The following ZBBX variants were observed in gnomAD, a reference collection of about 807,000 sequenced individuals.
ZBBX encodes the protein zinc finger B-box domain containing, also known as zinc finger B-box domain-containing protein 1.
Under a neutral mutation model 108.5 loss-of-function variants are expected in ZBBX, and 101 were observed. That is an observed-to-expected ratio of 0.93 (90% CI 0.79 to 1.10). The LOEUF (loss-of-function observed/expected upper bound fraction) is 1.10, where lower values mean the gene tolerates loss of function less well. ZBBX is among the 50% of genes least tolerant of loss of function. The pLI, the probability that ZBBX is intolerant of heterozygous loss-of-function variation, is 0.00. For missense variants in ZBBX, 1,009 were observed against 941.4 expected, an observed-to-expected ratio of 1.07 and a Z score of -0.94; for synonymous variants, 356 against 323.4, an observed-to-expected ratio of 1.10 and a Z score of -1.08.
upstream of ZBBX, among the ~76,000 whole-genome samples, chr3:167,382,596 ACTAAG>A (rs1045064541): frequency 3.3e-5 from 5 of 152,168 alleles, no homozygotes; most frequent in African/African-American, 1.2e-4. Flanking sequence ...GACTCATTTT[ACTAAG>A]CTTGAAATAA....
chr3:167,222,053 G>T, the ZBBX span, among the ~76,000 whole-genome samples: 3 of 151,780 alleles, frequency 2.0e-5, no homozygotes, highest in Non-Finnish European at 4.4e-5. Context: ...CCACTGCTGG[G>T]TATATACCTA....
chr3:167,200,047 C>T, the ZBBX span, among the ~76,000 whole-genome samples: 2 of 152,118 alleles, frequency 1.3e-5, no homozygotes, highest in South Asian at 4.1e-4. Flanking sequence ...TTAATCTCTG[C>T]CTCTGTCTTC....
chr3:167,388,117 T>C (rs1160277423), intron 1 of ZBBX, among the ~76,000 whole-genome samples: 1 of 151,974 alleles, frequency 6.6e-6, no homozygotes, highest in Admixed American at 6.6e-5. Flanking sequence ...TAGGATGAGA[T>C]CCTATTTTAG....
intron 1 of ZBBX, among the ~76,000 whole-genome samples, chr3:167,396,471 C>A (rs1301558967): frequency 6.6e-6 from 1 of 151,976 alleles, no homozygotes; most frequent in Non-Finnish European, 1.5e-5. Flanking sequence ...CAGAAGTCTG[C>A]CGGCATTAGA....
Position 167,305,841 on chromosome 3 carries a change from T to G in ZBBX, c.1527A>C (p.Lys509Asn). Residue 509 changes from lysine (K) to asparagine (N), a missense_variant, in exon 17 of 22, where the codon AAA becomes AAC. By Grantham distance (94) the Lys-to-Asn change is moderately conservative (BLOSUM62 0). Transcript: ENST00000675490. ...STSFERNLKE[K>N]NIGLESNQKS... Reference sequence around the variant, plus strand: ...TTTGATTACTTTCTAAACCTATATTTTTCTCCTTTAAATTTCTTTCAAAGG... The same window carrying G: ...TTTGATTACTTTCTAAACCTATATTGTTCTCCTTTAAATTTCTTTCAAAGG... The G allele has an allele frequency of 6.2e-7, 1 of 1,611,300 alleles. No homozygotes were observed. Among genetic ancestry groups the G allele is most frequent in the Non-Finnish European group, 8.5e-7 (1 of 1,178,750 alleles).
the ZBBX span, among the ~76,000 whole-genome samples, chr3:167,224,907 A>C: frequency 5.3e-5 from 8 of 151,930 alleles, no homozygotes; most frequent in Non-Finnish European, 1.2e-4. Flanking sequence ...TTACCACCAG[A>C]GATAATGATA....
chr3:167,221,264 T>C, the ZBBX span, among the ~76,000 whole-genome samples: 1 of 121,280 alleles, frequency 8.2e-6, no homozygotes, highest in Non-Finnish European at 1.7e-5. Context: ...GATTTCAAGT[T>C]ATACTACAGA....
At chr3:167,352,136 A>G (rs368705853) in intron 8 of ZBBX, among the ~76,000 whole-genome samples, 2 of 152,294 alleles carry the variant, frequency 1.3e-5, no homozygotes, top group East Asian at 3.9e-4. Flanking sequence ...AAGAGAAATA[A>G]CAAAGATCAG....
intron 9 of ZBBX, among the ~76,000 whole-genome samples, chr3:167,348,218 C>G (rs796994571): frequency 0.016 from 326 of 20,996 alleles, 6 homozygotes; most frequent in East Asian, 0.079. Flanking sequence ...AGGAAGGAAG[C>G]AAGGGAGGGA....
chr3:167,267,324 C>A (rs1434524165), intron 20 of ZBBX, among the ~76,000 whole-genome samples: 1 of 152,096 alleles, frequency 6.6e-6, no homozygotes, highest in Non-Finnish European at 1.5e-5. Flanking sequence ...AAAGGATAGG[C>A]AAGAGATTCC....
At chr3:167,200,014 C>T in the ZBBX span, among the ~76,000 whole-genome samples, 1 of 152,018 alleles carries the variant, frequency 6.6e-6, no homozygotes, top group Admixed American at 6.6e-5. Context: ...CCTTTTTGTA[C>T]CTTGGTTTAC....
At chr3:167,298,536 C>T (rs1482883833) in intron 17 of ZBBX, 78 bp from the exon 18 acceptor site, 8 of 1,083,864 alleles carry the variant, frequency 7.4e-6, no homozygotes, top group Non-Finnish European at 1.0e-5. Flanking sequence ...CAGATACCTA[C>T]TTGGTATCTG....
At chr3:167,198,843 A>G in the ZBBX span, among the ~76,000 whole-genome samples, 15 of 152,224 alleles carry the variant, frequency 9.9e-5, no homozygotes, top group Admixed American at 2.6e-4. Context: ...AGGATTCAGA[A>G]GTTTGGGTAG....
the ZBBX span, among the ~76,000 whole-genome samples, chr3:167,200,990 T>A: frequency 6.6e-6 from 1 of 152,148 alleles, no homozygotes; most frequent in South Asian, 2.1e-4. Context: ...ACTTGACCAA[T>A]GATAGGCATC....
intron 9 of ZBBX, among the ~76,000 whole-genome samples, chr3:167,346,622 G>C (rs1216185695): frequency 6.6e-6 from 1 of 151,880 alleles, no homozygotes; most frequent in Non-Finnish European, 1.5e-5. Context: ...ATATTCATCT[G>C]TCGGATGTCT....
intron 18 of ZBBX, among the ~76,000 whole-genome samples, chr3:167,289,980 C>T (rs934420892): frequency 1.3e-5 from 2 of 152,132 alleles, no homozygotes; most frequent in Admixed American, 1.3e-4. Flanking sequence ...GAAGTTCAAA[C>T]TGGGCAGAGT....
At chr3:167,270,096 G>A (rs774678066) in intron 20 of ZBBX, among the ~76,000 whole-genome samples, 1 of 152,190 alleles carries the variant, frequency 6.6e-6, no homozygotes, top group African/African-American at 2.4e-5. Context: ...ATCAGGAGAG[G>A]ATGTGGAAAA....
chr3:167,373,001 A>G, intron 3 of ZBBX, 51 bp from the exon 4 acceptor site: 1 of 865,914 alleles, frequency 1.2e-6, no homozygotes, highest in Admixed American at 2.9e-5. Flanking sequence ...AAGCAGTATA[A>G]GTTACAAATT....
intron 9 of ZBBX, among the ~76,000 whole-genome samples, chr3:167,348,372 A>AAAGAAAGAAGAAAGAAAGAAAG (rs1560163843): frequency 2.9e-5 from 3 of 104,822 alleles, no homozygotes; most frequent in African/African-American, 9.7e-5. Flanking sequence ...AAGAAAGAAA[A>AAAGAAAGAAGAAAGAAAGAAAG]AAAAGAAAAG....
Sources: gnomAD v4.1 joint callset for allele counts (sites outside exome capture counted in the v4.1 genomes callset) on GRCh38, gnomAD v4.1.1 for gene constraint, MANE v1.5 for transcripts, NCBI Gene and HGNC (gene_info 2026-07-23, HGNC 2026-07-21) for gene names.